The following CADM2 variants were observed in gnomAD, a reference collection of about 807,000 sequenced individuals.
CADM2 encodes cell adhesion molecule 2, also known as immunoglobulin superfamily member 4D.
CADM2 carries 12 observed loss-of-function variants against 49.8 expected under a neutral mutation model. The ratio of observed to expected loss-of-function variants is 0.24; its 90% confidence interval spans 0.15 to 0.39. CADM2 has a LOEUF of 0.39. CADM2 is among the 10% of genes least tolerant of loss of function. The probability of loss-of-function intolerance (pLI) is 1.00; values close to 1 mark genes in which losing one functional copy is unlikely to be tolerated. For synonymous variants in CADM2, 214 were observed against 175.4 expected (o/e 1.22, Z -1.74); for missense variants, 378 against 492.3 (o/e 0.77, Z 2.20).
chr3:85,583,325 G>T (rs1332441928), intron 1 of CADM2, among the ~76,000 whole-genome samples: 1 of 152,134 alleles, frequency 6.6e-6, no homozygotes, highest in Non-Finnish European at 1.5e-5. Context: ...TTCCTAGGTT[G>T]CCAAAGGCGA....
chr3:85,305,729 A>G (rs1326564935), intron 1 of CADM2, among the ~76,000 whole-genome samples: 1 of 151,670 alleles, frequency 6.6e-6, no homozygotes, highest in Non-Finnish European at 1.5e-5. Flanking sequence ...ATTATTTTTA[A>G]TCTTCTCTTT....
At chr3:85,176,693 G>C (rs2040795700) in intron 1 of CADM2, among the ~76,000 whole-genome samples, 1 of 152,070 alleles carries the variant, frequency 6.6e-6, no homozygotes, top group South Asian at 2.1e-4. Context: ...TAATCACCCT[G>C]TCCCTGACTA....
intron 3 of CADM2, among the ~76,000 whole-genome samples, chr3:85,868,671 A>G (rs1442642478): frequency 6.6e-6 from 1 of 152,174 alleles, no homozygotes; most frequent in African/African-American, 2.4e-5. Context: ...ACTTTTAGCC[A>G]CAGAAATTAT....
Position 85,506,226 on chromosome 3 carries a change from G to A in CADM2, c.62-220296G>A, listed in dbSNP as rs149510035. Among the ~76,000 whole-genome samples the A allele has an allele frequency of 4.5e-3, 686 of 152,262 alleles. 7 individuals carry two copies. Among genetic ancestry groups the A allele is most frequent in the African/African-American group, 0.016 (654 of 41,538 alleles). On this transcript the variant is annotated intron_variant, in intron 1 of 9. Coordinates refer to ENST00000383699, the MANE Select transcript of CADM2 (RefSeq NM_001167675.2). The stretch of plus-strand genomic sequence containing the variant: ...AGTAAACAAGTAGATTTGGACTTCA[G>A]TGTTCTTTTTCACTTTGTGTTGTTT...
intron 8 of CADM2, chr3:86,027,945 C>A (rs954365072): frequency 6.7e-6 from 1 of 149,668 alleles, no homozygotes; most frequent in Non-Finnish European, 1.5e-5. Context: ...CATTACTTCA[C>A]AGAAGTTCAA....
intron 1 of CADM2, among the ~76,000 whole-genome samples, chr3:85,575,880 A>C (rs1049990990): frequency 6.6e-6 from 1 of 152,222 alleles, no homozygotes; most frequent in Non-Finnish European, 1.5e-5. Flanking sequence ...TAGAATGAGT[A>C]TGTACTGAAG....
intron 1 of CADM2, among the ~76,000 whole-genome samples, chr3:85,412,956 A>G (rs2035725576): frequency 6.6e-6 from 1 of 151,536 alleles, no homozygotes; most frequent in Admixed American, 6.6e-5. Flanking sequence ...CCTGGCTAAC[A>G]CGGAGAAACC....
intron 3 of CADM2, among the ~76,000 whole-genome samples, chr3:85,814,100 G>GGATA (rs2073056652): frequency 6.6e-6 from 1 of 151,944 alleles, no homozygotes; most frequent in Non-Finnish European, 1.5e-5. Flanking sequence ...AGGTTGATGG[G>GGATA]GATAGCATTG....
At chr3:85,028,549 T>A (rs375469383) in intron 1 of CADM2, among the ~76,000 whole-genome samples, 7 of 152,192 alleles carry the variant, frequency 4.6e-5, no homozygotes, top group African/African-American at 1.7e-4. Flanking sequence ...CAAATTTATC[T>A]TATTTCAAAA....
At chr3:85,754,727 A>T (rs1333443416) in intron 2 of CADM2, among the ~76,000 whole-genome samples, 2 of 152,232 alleles carry the variant, frequency 1.3e-5, no homozygotes, top group South Asian at 4.1e-4. Flanking sequence ...AAAAGCCATT[A>T]CTGATTATTT....
chr3:85,335,959 C>T (rs1279991443), intron 1 of CADM2, among the ~76,000 whole-genome samples: 1 of 151,414 alleles, frequency 6.6e-6, no homozygotes, highest in Non-Finnish European at 1.5e-5. Flanking sequence ...TGATTGTATT[C>T]ATTACTTTTT....
chr3:85,107,591 T>TTC, intron 1 of CADM2, among the ~76,000 whole-genome samples: 10 of 151,578 alleles, frequency 6.6e-5, no homozygotes, highest in South Asian at 2.1e-4. Flanking sequence ...TTTCTTTTCT[T>TTC]TCTTTCTTTC....
intron 1 of CADM2, among the ~76,000 whole-genome samples, chr3:85,721,999 T>C (rs2067519949): frequency 6.6e-6 from 1 of 152,194 alleles, no homozygotes; most frequent in South Asian, 2.1e-4. Flanking sequence ...GGGTAGTTCC[T>C]GTCTACGGGC....
At position 85,526,075 on chromosome 3, in the gene CADM2, C is replaced by T. The variant is rs774204263; in HGVS notation, c.62-200447C>T. On this transcript the variant is annotated intron_variant, in intron 1 of 9. Transcript: ENST00000383699. ...CCTGTTCTAAGAACTGTAGCCACCT[C>T]GTGAGTCAGCCAGGCCTCTCCTGGA... 3.3e-5 allele frequency among the ~76,000 whole-genome samples: 5 copies of T among 152,086 alleles called. No individual in the cohort carries two copies. The East Asian group carries it at 5.8e-4, about 18-fold the overall frequency.
At chr3:85,103,303 T>C (rs2038079780) in intron 1 of CADM2, among the ~76,000 whole-genome samples, 1 of 152,098 alleles carries the variant, frequency 6.6e-6, no homozygotes, top group South Asian at 2.1e-4. Context: ...TATTTTTTCT[T>C]TACGTATAAA....
intron 1 of CADM2, among the ~76,000 whole-genome samples, chr3:85,458,474 T>C (rs2038096168): frequency 6.6e-6 from 1 of 152,150 alleles, no homozygotes; most frequent in Admixed American, 6.5e-5. Context: ...TGATCTCCTG[T>C]GGTTATCTAT....
intron 2 of CADM2, among the ~76,000 whole-genome samples, chr3:85,744,571 G>A (rs1362525047): frequency 6.6e-6 from 1 of 151,968 alleles, no homozygotes; most frequent in African/African-American, 2.4e-5. Context: ...AATACTCGGG[G>A]TAAGGTCTTA....
intron 1 of CADM2, among the ~76,000 whole-genome samples, chr3:85,649,407 G>A (rs2064980919): frequency 6.6e-6 from 1 of 152,106 alleles, no homozygotes; most frequent in South Asian, 2.1e-4. Context: ...GATATGCATT[G>A]CTGTTGAATT....
At chr3:85,722,578 T>C (rs950289200) in intron 1 of CADM2, among the ~76,000 whole-genome samples, 1 of 152,188 alleles carries the variant, frequency 6.6e-6, no homozygotes, top group African/African-American at 2.4e-5. Context: ...ACAAAATGTT[T>C]CCTTGACGAA....
Sources: gnomAD v4.1 joint callset for allele counts (sites outside exome capture counted in the v4.1 genomes callset) on GRCh38, gnomAD v4.1.1 for gene constraint, MANE v1.5 for transcripts, NCBI Gene and HGNC (gene_info 2026-07-23, HGNC 2026-07-21) for gene names.